PPP1R12B: variants seen among roughly 807,000 people sequenced by gnomAD.
PPP1R12B encodes the protein protein phosphatase 1 regulatory subunit 12B.
A neutral mutation model predicts 126.1 loss-of-function variants in PPP1R12B; 76 were observed. The observed-to-expected ratio is 0.60, with a 90% CI of 0.50 to 0.73. The LOEUF (loss-of-function observed/expected upper bound fraction) is 0.73. Among genes scored for constraint, PPP1R12B ranks in the 30% least tolerant of loss-of-function variants. PPP1R12B has a pLI of 0.00. For synonymous variants in PPP1R12B, 356 were observed against 434.7 expected (o/e 0.82, Z 2.25); for missense variants, 1,052 against 1,205.1 (o/e 0.87, Z 1.88).
intron 5 of PPP1R12B, 24 bp from the exon 6 acceptor site, chr1:202,428,831 C>T: frequency 6.3e-7 from 1 of 1,594,010 alleles, no homozygotes; most frequent in Non-Finnish European, 8.6e-7. Context: ...TTCTATCAGT[C>T]ATGGTGCTCC....
intron 2 of PPP1R12B, among the ~76,000 whole-genome samples, chr1:202,418,064 T>C (rs2148621757): frequency 6.6e-6 from 1 of 152,308 alleles, no homozygotes; most frequent in East Asian, 1.9e-4. Flanking sequence ...AAATAAACAA[T>C]GCAGTTTTCT....
At chr1:202,358,716 A>C (rs1057177498) in intron 1 of PPP1R12B, among the ~76,000 whole-genome samples, 1 of 151,834 alleles carries the variant, frequency 6.6e-6, no homozygotes, top group Non-Finnish European at 1.5e-5. Flanking sequence ...TTGAGTTTTC[A>C]GTATTGGAAA....
chr1:202,470,670 G>A (rs947749927), intron 13 of PPP1R12B, among the ~76,000 whole-genome samples: 4 of 151,944 alleles, frequency 2.6e-5, no homozygotes, highest in South Asian at 2.1e-4. Flanking sequence ...GAGGTGGGAC[G>A]ATCACTTGCA....
chr1:202,461,592 T>C (rs180900857), intron 13 of PPP1R12B, among the ~76,000 whole-genome samples: 2 of 152,322 alleles, frequency 1.3e-5, no homozygotes, highest in African/African-American at 2.4e-5. Flanking sequence ...TTTTAGATTT[T>C]AGGGATGTTT....
Position 202,419,181 on chromosome 1 carries a change from A to ATTTTTTTATTTTTT in PPP1R12B, c.422+2265_422+2266insTTTTTTATTTTTTT, listed in dbSNP as rs1668461238. Among the ~76,000 whole-genome samples, 1 of 152,210 alleles carries ATTTTTTTATTTTTT rather than the reference A, an allele frequency of 6.6e-6. No individual in the cohort carries two copies. Among genetic ancestry groups the ATTTTTTTATTTTTT allele is most frequent in the African/African-American group, 2.4e-5 (1 of 41,452 alleles). ...GGGTGTTTTTACATTTTTTTTATGA[A>ATTTTTTTATTTTTT]TAAATGTTTCACTTAGAAGCAGCAG... On this transcript the variant is annotated intron_variant, in intron 2 of 23. Coordinates refer to ENST00000608999, the MANE Select transcript of PPP1R12B (RefSeq NM_002481.4). This position sits in a 1 kb window ranked among gnomAD's most constrained non-coding sequence, Gnocchi z 4.6.
At chr1:202,491,312 C>A (rs1379083953) in intron 14 of PPP1R12B, among the ~76,000 whole-genome samples, 1 of 152,072 alleles carries the variant, frequency 6.6e-6, no homozygotes, top group Non-Finnish European at 1.5e-5. Context: ...CCACACCTGG[C>A]TAATTTTTGT....
At chr1:202,449,684 A>G (rs1672695293) in intron 13 of PPP1R12B, among the ~76,000 whole-genome samples, 1 of 151,202 alleles carries the variant, frequency 6.6e-6, no homozygotes, top group African/African-American at 2.4e-5. Flanking sequence ...GCCGTTATGG[A>G]TTTATTTTTT....
At position 202,394,686 on chromosome 1, in the gene PPP1R12B, G is replaced by A. The variant is rs150267513; in HGVS notation, c.292-22101G>A. On this transcript the variant is annotated intron_variant, in intron 1 of 23. Transcript: ENST00000608999. ...GGAAAATCACTTGAACCCATGAGGC[G>A]GACGTTGCGGTGAGCCGAAATTGCA... Among the ~76,000 whole-genome samples, 331 of 152,098 alleles carry A rather than the reference G, an allele frequency of 2.2e-3. 2 individuals are homozygous for A. The highest frequency in any genetic ancestry group is 7.7e-3 in the African/African-American group (318 of 41,464).
chr1:202,436,067 T>A (rs1034048499), intron 9 of PPP1R12B, among the ~76,000 whole-genome samples: 1 of 151,904 alleles, frequency 6.6e-6, no homozygotes, highest in African/African-American at 2.4e-5. Flanking sequence ...TGAGACTAGC[T>A]TGGGCAACAT....
At chr1:202,372,861 A>G (rs1273269167) in intron 1 of PPP1R12B, among the ~76,000 whole-genome samples, 1 of 152,178 alleles carries the variant, frequency 6.6e-6, no homozygotes, top group East Asian at 1.9e-4. Flanking sequence ...TGATTTTCTT[A>G]CTGAACTATG....
chr1:202,530,260 A>G (rs1438708995), intron 18 of PPP1R12B, among the ~76,000 whole-genome samples: 4 of 152,066 alleles, frequency 2.6e-5, no homozygotes, highest in African/African-American at 9.7e-5. Context: ...TGCCAGTAGC[A>G]CCCTCCAATC....
In PPP1R12B at chr1:202,588,549, TAAAAC is replaced by T. The variant is rs1028203431; in HGVS notation, c.*7990_*7994del. On this transcript the variant is annotated 3_prime_UTR_variant, in exon 24 of 24. Coordinates refer to ENST00000608999, the MANE Select transcript of PPP1R12B (RefSeq NM_002481.4). Reference sequence around the variant, plus strand: ...ACAACAGTATTTATAAATGAGTAAATAAAACTGTGTTTTAACTTTGTGACTGTCTC... The same window carrying T: ...ACAACAGTATTTATAAATGAGTAAATTGTGTTTTAACTTTGTGACTGTCTC... The T allele has an allele frequency of 1.3e-5, 2 of 152,616 alleles. No homozygotes were observed. Among genetic ancestry groups the T allele is most frequent in the African/African-American group, 4.8e-5 (2 of 41,444 alleles). 9.5% of individuals were successfully genotyped at this position (152,616 alleles called of 1,614,324 possible).
chr1:202,418,908 G>A (rs577300026), intron 2 of PPP1R12B, among the ~76,000 whole-genome samples: 61 of 152,030 alleles, frequency 4.0e-4, no homozygotes, highest in African/African-American at 1.3e-3. Flanking sequence ...TGATGATCTC[G>A]TCATTTTTAT....
intron 6 of PPP1R12B, among the ~76,000 whole-genome samples, chr1:202,429,846 A>C (rs1669983995): frequency 6.6e-6 from 1 of 152,210 alleles, no homozygotes; most frequent in Non-Finnish European, 1.5e-5. Context: ...CAGATCAACC[A>C]TACCTAATCT....
chr1:202,476,197 T>C (rs1189753815), intron 13 of PPP1R12B, among the ~76,000 whole-genome samples: 1 of 136,892 alleles, frequency 7.3e-6, no homozygotes. Context: ...AGAGTGAGAC[T>C]CTGTCTCAAA....
At chr1:202,526,454 TG>T (rs1340469033) in intron 18 of PPP1R12B, among the ~76,000 whole-genome samples, 1 of 152,158 alleles carries the variant, frequency 6.6e-6, no homozygotes, top group East Asian at 1.9e-4. Context: ...TGAGCATGGT[TG>T]TATGTTTTTT....
At chr1:202,566,751 C>T (rs1230391530) in intron 21 of PPP1R12B, among the ~76,000 whole-genome samples, 2 of 152,050 alleles carry the variant, frequency 1.3e-5, no homozygotes, top group African/African-American at 4.8e-5. Context: ...GGTGAAAGCC[C>T]AGGACAGGAG....
At chr1:202,380,238 A>G (rs1271781996) in intron 1 of PPP1R12B, among the ~76,000 whole-genome samples, 1 of 152,066 alleles carries the variant, frequency 6.6e-6, no homozygotes, top group African/African-American at 2.4e-5. Flanking sequence ...GTCAGGATTT[A>G]TTCATCCTTC....
chr1:202,403,783 C>T (rs1474096315), intron 1 of PPP1R12B, among the ~76,000 whole-genome samples: 1 of 152,234 alleles, frequency 6.6e-6, no homozygotes, highest in African/African-American at 2.4e-5. Flanking sequence ...GAAAAGACTT[C>T]TAAGACTTCC....
Sources: allele counts gnomAD v4.1 joint callset (sites outside exome capture counted in the v4.1 genomes callset), GRCh38; gene constraint gnomAD v4.1.1; non-coding constraint Gnocchi (gnomAD v3.1); transcripts MANE v1.5; gene names NCBI Gene and HGNC (gene_info 2026-07-23, HGNC 2026-07-21).